The following STAG3 variants were observed in gnomAD, a reference collection of about 807,000 sequenced individuals.
STAG3 encodes STAG3 cohesin complex component.
In STAG3, 101 loss-of-function variants were observed where a neutral mutation model predicts 160.7. That is an observed-to-expected ratio of 0.63 (90% CI 0.54 to 0.74). The LOEUF (loss-of-function observed/expected upper bound fraction) is 0.74. STAG3 is among the 30% of genes least tolerant of loss of function. STAG3 has a pLI of 0.00. For missense variants in STAG3, 1,188 were observed against 1,517.4 expected (o/e 0.78, Z 3.61); for synonymous variants, 519 against 585.0 (o/e 0.89, Z 1.63).
At chr7:100,193,794 C>T (rs1471688228) in intron 8 of STAG3, among the ~76,000 whole-genome samples, 1 of 152,164 alleles carries the variant, frequency 6.6e-6, no homozygotes, top group Non-Finnish European at 1.5e-5. Context: ...GACTGTTTAA[C>T]TTTCTTACCC....
chr7:100,200,202 C>T lies in STAG3; in HGVS notation c.1678-34C>T, dbSNP rs973705384. 4.5e-6 allele frequency: 7 copies of T among 1,562,820 alleles called. No homozygotes were observed. The African/African-American group carries it at 6.8e-5, about 15-fold the overall frequency. On this transcript the variant is annotated intron_variant, in intron 16 of 33. Coordinates refer to ENST00000615138, the MANE Select transcript of STAG3 (RefSeq NM_001282717.2). ...CACCCCCTGCACCAGTGTTTCTTTACACCTCCCCCACCCCCAAGTGACTCT... is the reference window on the plus strand; with the variant it reads ...CACCCCCTGCACCAGTGTTTCTTTATACCTCCCCCACCCCCAAGTGACTCT...
rs533315054 is a variant in STAG3 at position 100,182,248 on chromosome 7, A to G, written c.219+56A>G. Reference sequence around the variant, plus strand: ...ATCTTGTGGGGGAAGCAGCCCAGCTACTTGGGAGGCTGAGGCAGGAGAATG... The same window carrying G: ...ATCTTGTGGGGGAAGCAGCCCAGCTGCTTGGGAGGCTGAGGCAGGAGAATG... On this transcript the variant is annotated intron_variant, in intron 3 of 33. Transcript: ENST00000615138. The G allele has an allele frequency of 4.8e-4, 643 of 1,345,908 alleles. 3 individuals carry two copies. The highest frequency in any genetic ancestry group is 9.8e-4 in the South Asian group (81 of 82,870). The allele number at this position is 1,345,908 out of a possible 1,614,324, so 83.4% of individuals were successfully genotyped here.
At position 100,197,255 on chromosome 7, in the gene STAG3, T is replaced by C. The variant is rs1313471583; in HGVS notation, c.1041T>C (p.Tyr347=). The stretch of plus-strand genomic sequence containing the variant: ...TCCTCACCGACAGCTATTTAAAATA[T>C]ATTGGTTGGACTCTGCATGATAAGG... The part of the protein sequence containing the change: ...TSFLTDSYLK[Y]IGWTLHDKHR... The change falls in exon 10 of 34, where the codon TAT becomes TAC. Residue 347 remains tyrosine, a synonymous_variant. Transcript: ENST00000615138. 3 of 1,607,394 alleles carry C rather than the reference T, an allele frequency of 1.9e-6. No homozygotes were observed. The highest frequency in any genetic ancestry group is 2.6e-6 in the Non-Finnish European group (3 of 1,176,340).
chr7:100,201,838 C>A lies in STAG3; in HGVS notation c.2273C>A (p.Thr758Asn). ...LVYFSILWTL[T>N]HISKSDASQK... ...TATTTTTCCATTCTCTGGACACTAACCCACATTTCTAAATCAGATGCTTCC... is the reference window on the plus strand; with the variant it reads ...TATTTTTCCATTCTCTGGACACTAAACCACATTTCTAAATCAGATGCTTCC... The change falls in exon 22 of 34, where the codon ACC becomes AAC. Residue 758 changes from threonine to asparagine, a missense_variant. Physicochemically the swap from Thr to Asn is moderately conservative, Grantham distance 65 (BLOSUM62 0). Around this residue, in one of 4 missense-constraint regions of STAG3, gnomAD observed 647 missense variants for 717.2 expected, o/e 0.90. Coordinates refer to ENST00000615138, the MANE Select transcript of STAG3 (RefSeq NM_001282717.2). 6.2e-7 allele frequency: 1 copy of A among 1,614,166 alleles called. No individual in the cohort carries two copies. Among genetic ancestry groups the A allele is most frequent in the Non-Finnish European group, 8.5e-7 (1 of 1,180,028 alleles).
intron 12 of STAG3, 33 bp downstream of exon 12, chr7:100,198,199 C>T: frequency 6.2e-7 from 1 of 1,601,538 alleles, no homozygotes; most frequent in Non-Finnish European, 8.6e-7. Context: ...GCCAGTGTCT[C>T]AGACCTTTGC....
At chr7:100,213,839 T>C in intron 33 of STAG3, 33 bp downstream of exon 33, 2 of 1,614,200 alleles carry the variant, frequency 1.2e-6, no homozygotes, top group South Asian at 1.1e-5. Context: ...TTATGTATCC[T>C]TCGGAAATGC....
chr7:100,198,640 T>C, intron 13 of STAG3, 58 bp downstream of exon 13: 1 of 1,519,156 alleles, frequency 6.6e-7, no homozygotes, highest in Non-Finnish European at 9.1e-7. Context: ...CTCTCCTCCA[T>C]CTGCTGCTGC....
intron 8 of STAG3, among the ~76,000 whole-genome samples, chr7:100,194,433 G>A (rs556872888): frequency 1.3e-5 from 2 of 152,284 alleles, no homozygotes; most frequent in Admixed American, 1.3e-4. Flanking sequence ...TCAGAACACA[G>A]ACATTGTTAA....
intron 1 of STAG3, 157 bp downstream of exon 1, chr7:100,178,162 G>A: frequency 6.6e-6 from 1 of 152,372 alleles, no homozygotes; most frequent in Non-Finnish European, 1.5e-5. Context: ...CCACAGAGCT[G>A]GAGAATCCTC....
At chr7:100,213,971 G>A (rs922586925) in intron 33 of STAG3, 36 bp from the exon 34 acceptor site, 1 of 1,614,192 alleles carries the variant, frequency 6.2e-7, no homozygotes, top group Middle Eastern at 1.6e-4. Context: ...GCCCGTTGCT[G>A]TGTCCTGTGT....
Position 100,199,268 on chromosome 7 carries a change from G to T in STAG3, c.1474G>T (p.Asp492Tyr). The change falls in exon 15 of 34, where the codon GAC (aspartate) becomes TAC (tyrosine). Residue 492 changes from aspartate to tyrosine, a missense_variant. Transcript: ENST00000615138. ...CATGCACGTTCTCCCCTAGCTCCAT[G>T]ACCACGCTGCTTACTTAGTAGACAG... ...LSFFVESELHDHAAYLVDSLW... is the reference protein window; with the variant it reads ...LSFFVESELHYHAAYLVDSLW... The T allele has an allele frequency of 1.2e-6, 2 of 1,613,184 alleles. No homozygotes were observed. The highest frequency in any genetic ancestry group is 2.2e-5 in the South Asian group (2 of 91,038).
At chr7:100,184,467 T>TTTC (rs1799858226) in intron 4 of STAG3, among the ~76,000 whole-genome samples, 1 of 137,228 alleles carries the variant, frequency 7.3e-6, no homozygotes, top group Admixed American at 7.3e-5. Flanking sequence ...GTGTTAGTTT[T>TTTC]TTTTTTTTTT....
intron 3 of STAG3, 93 bp from the exon 4 acceptor site, chr7:100,182,630 C>T: frequency 1.5e-6 from 2 of 1,356,184 alleles, no homozygotes; most frequent in Non-Finnish European, 2.1e-6. Flanking sequence ...GCAGCTTAAG[C>T]CTACTTGTGT....
Position 100,201,406 on chromosome 7 carries a change from C to T in STAG3, c.2220+55C>T. 3 of 1,521,414 alleles carry T rather than the reference C, an allele frequency of 2.0e-6. No homozygotes were observed. The South Asian group carries it at 3.4e-5, about 17-fold the overall frequency. The allele number at this position is 1,521,414 out of a possible 1,614,324, so 94.2% of individuals were successfully genotyped here. ...GGCTGGGGGGCTAGATTTTAAGGAC[C>T]TACGTTCTAGGTGGCCACTAGGTGT... On this transcript the variant is annotated intron_variant, in intron 21 of 33. Transcript: ENST00000615138.
downstream of STAG3, among the ~76,000 whole-genome samples, chr7:100,216,300 T>C (rs1362546414): frequency 6.6e-6 from 1 of 151,580 alleles, no homozygotes; most frequent in East Asian, 1.9e-4. Flanking sequence ...TATCAGTTTT[T>C]TAAAAAATTG....
Position 100,205,077 on chromosome 7 carries a change from C to T in STAG3, c.3024C>T (p.Phe1008=), listed in dbSNP as rs770637537. The change falls in exon 28 of 34, where the codon TTC becomes TTT. Residue 1008 remains phenylalanine (F), a synonymous_variant. Coordinates refer to ENST00000615138, the MANE Select transcript of STAG3 (RefSeq NM_001282717.2). The part of the protein sequence containing the change: ...GSSNQPPNLA[F]LELLSEFSPR... ...CCAATCAGCCTCCAAATCTGGCATTCCTGGAGCTCCTTTCAGAGTTTTCCC... is the reference window on the plus strand; with the variant it reads ...CCAATCAGCCTCCAAATCTGGCATTTCTGGAGCTCCTTTCAGAGTTTTCCC... The T allele has an allele frequency of 1.9e-5, 30 of 1,614,046 alleles. No homozygotes were observed. Among genetic ancestry groups the T allele is most frequent in the African/African-American group, 2.7e-5 (2 of 74,932 alleles).
At position 100,202,527 on chromosome 7, in the gene STAG3, G is replaced by A; in HGVS notation, c.2637G>A (p.Lys879=). 3 of 1,614,176 alleles carry A rather than the reference G, an allele frequency of 1.9e-6. 1 individual carries two copies. The South Asian group carries it at 3.3e-5, about 18-fold the overall frequency. Residue 879 remains lysine, a synonymous_variant, in exon 25 of 34, where the codon AAG becomes AAA. Transcript: ENST00000615138. ...GCCGCCTCCTAGCCGGGTTCTGCAA[G>A]CTGTTGCTTTATGGGGTGCTGGAGA... is the stretch of plus-strand genomic sequence containing the variant. ...QRRRLLAGFC[K]LLLYGVLEMD...
chr7:100,209,842 C>G (rs544388257), intron 29 of STAG3, among the ~76,000 whole-genome samples: 2 of 152,098 alleles, frequency 1.3e-5, no homozygotes, highest in Non-Finnish European at 2.9e-5. Flanking sequence ...TTTGGCCTGA[C>G]AGAAGGATGG....
rs547867785 is a variant in STAG3 at position 100,187,264 on chromosome 7, C to A, written c.433+968C>A. 2.2e-4 allele frequency among the ~76,000 whole-genome samples: 34 copies of A among 152,086 alleles called. No homozygotes were observed. The South Asian group carries it at 5.8e-3, about 26-fold the overall frequency. On this transcript the variant is annotated intron_variant, in intron 5 of 33. Coordinates refer to ENST00000615138, the MANE Select transcript of STAG3 (RefSeq NM_001282717.2). ...TCTTGAACTCCTGACCTCAGGCGAT[C>A]CCCCTGCCTCGACCTCCCAAAGTGT...
Sources: gnomAD v4.1 joint callset for allele counts (sites outside exome capture counted in the v4.1 genomes callset) on GRCh38, gnomAD v4.1.1 for gene constraint, gnomAD v4.1.1 regional missense constraint, MANE v1.5 for transcripts, NCBI Gene and HGNC (gene_info 2026-07-23, HGNC 2026-07-21) for gene names.